MED29: variants seen among roughly 807,000 people sequenced by gnomAD.
MED29 encodes the protein mediator complex subunit 29.
MED29 carries 14 observed loss-of-function variants against 22.0 expected under a neutral mutation model. The ratio of observed to expected loss-of-function variants is 0.64; its 90% CI spans 0.42 to 0.99. The LOEUF is 0.99. Ranked by LOEUF, MED29 falls within the 50% of genes least tolerant of loss-of-function variation. MED29 has a pLI of 0.00. For synonymous variants in MED29, 123 were observed against 107.8 expected (o/e 1.14, Z -0.87); for missense variants, 241 against 253.7 (o/e 0.95, Z 0.34).
Position 39,393,068 on chromosome 19 carries a change from CTTTCTTTCTTTTCTTT to C in MED29, c.276-481_276-466del, listed in dbSNP as rs1417333167. Among the ~76,000 whole-genome samples, 196 of 87,508 alleles carry C rather than the reference CTTTCTTTCTTTTCTTT, an allele frequency of 2.2e-3. 2 individuals carry two copies. The Middle Eastern group carries it at 0.023, about 10-fold the overall frequency. 57.4% of individuals were successfully genotyped at this position (87,508 alleles called of 152,430 possible). On this transcript the variant is annotated intron_variant, in intron 2 of 3. Transcript: ENST00000315588. ...CCCAGCCTTTTCCTTTTCTTTCTTTCTTTCTTTCTTTTCTTTTTTTTTTTTTTTTTTTTTTTTTTTT... is the reference window on the plus strand; with the variant it reads ...CCCAGCCTTTTCCTTTTCTTTCTTTCTTTTTTTTTTTTTTTTTTTTTTTTT...
rs1027353051 is a variant in MED29, at chr19:39,396,070, AG to A, written c.361-1386del. The stretch of plus-strand genomic sequence containing the variant: ...ACTGAGTGGTGTGCGTGGGTGTGAC[AG>A]CCCTGGGAGGGCTTGAACAGTGAGA... On this transcript the variant is annotated intron_variant, in intron 3 of 3. Coordinates refer to ENST00000315588, the MANE Select transcript of MED29 (RefSeq NM_017592.4). Among the ~76,000 whole-genome samples the A allele has an allele frequency of 5.3e-4, 80 of 152,338 alleles. 1 individual carries two copies. The highest frequency in any genetic ancestry group is 1.9e-3 in the African/African-American group (78 of 41,582).
intron 2 of MED29, 148 bp from the exon 3 acceptor site, chr19:39,393,403 CTT>C: frequency 4.2e-6 from 3 of 720,436 alleles, no homozygotes; most frequent in East Asian, 2.7e-5. Flanking sequence ...GCCTCCTTTT[CTT>C]TTTTTTTGAA....
At chr19:39,392,804 T>A (rs1327041437) in intron 2 of MED29, 1 of 379,974 alleles carries the variant, frequency 2.6e-6, no homozygotes, top group African/African-American at 2.1e-5. Context: ...GGCTAATTTG[T>A]AAGATTTTTT....
Position 39,397,787 on chromosome 19 carries a change from T to G in MED29, c.*88T>G. 1 of 1,511,266 alleles carries G rather than the reference T, an allele frequency of 6.6e-7. No individual in the cohort carries two copies. The highest frequency in any genetic ancestry group is 8.9e-7 in the Non-Finnish European group (1 of 1,129,182). The allele number at this position is 1,511,266 out of a possible 1,614,324, so 93.6% of individuals were successfully genotyped here. A position where few individuals can be genotyped will look rare whatever the true frequency, so the allele number is the denominator to read the frequency against. The stretch of plus-strand genomic sequence containing the variant: ...CGTCCTGGGCCTAAACACAGCAGCC[T>G]CCTCTCTTCCTGCCTGAGCACCGCA... On this transcript the variant is annotated 3_prime_UTR_variant, in exon 4 of 4. Transcript: ENST00000315588.
intron 2 of MED29, 41 bp downstream of exon 2, chr19:39,392,563 C>T: frequency 6.4e-7 from 1 of 1,563,692 alleles, no homozygotes; most frequent in African/African-American, 1.4e-5. Context: ...TATTGCCTTC[C>T]CAGTCTTTGA....
intron 3 of MED29, among the ~76,000 whole-genome samples, chr19:39,396,502 T>A (rs1333894170): frequency 7.1e-6 from 1 of 140,552 alleles, no homozygotes; most frequent in Non-Finnish European, 1.5e-5. Flanking sequence ...CCAAGGCGGG[T>A]AGATCACGAG....
In MED29 at chr19:39,397,897, CT is replaced by C; in HGVS notation, c.*199del. 1 of 842,200 alleles carries C rather than the reference CT, an allele frequency of 1.2e-6. No individual in the cohort carries two copies. Among genetic ancestry groups the C allele is most frequent in the Non-Finnish European group, 1.8e-6 (1 of 556,446 alleles). The allele number at this position is 842,200 out of a possible 1,614,324, so 52.2% of individuals were successfully genotyped here. ...TCCCTGCCCCTTCTTCCTGCTCCCC[CT>C]CCTAGCCTAGGGTAGACTTTGAACT... On this transcript the variant is annotated 3_prime_UTR_variant, in exon 4 of 4. Transcript: ENST00000315588.
intron 2 of MED29, among the ~76,000 whole-genome samples, chr19:39,393,316 G>A (rs940562067): frequency 6.6e-6 from 1 of 151,498 alleles, no homozygotes; most frequent in Non-Finnish European, 1.5e-5. Context: ...GGCTGGTCTT[G>A]AACTCCTGAC....
chr19:39,399,175 T>C lies in MED29; in HGVS notation c.*1476T>C, dbSNP rs981862207. On this transcript the variant is annotated 3_prime_UTR_variant, in exon 4 of 4. Coordinates refer to ENST00000315588, the MANE Select transcript of MED29 (RefSeq NM_017592.4). ...ACTTTAATCACATCTACAAAACACT[T>C]CCATGGCGACAGCTAGATGAGTGTT... is the stretch of plus-strand genomic sequence containing the variant. 6.6e-6 allele frequency: 1 copy of C among 152,226 alleles called. No individual in the cohort carries two copies. Among genetic ancestry groups the C allele is most frequent in the Non-Finnish European group, 1.5e-5 (1 of 68,048 alleles). 9.4% of individuals were successfully genotyped at this position (152,226 alleles called of 1,614,324 possible).
chr19:39,394,049 A>G (rs1415421681), intron 3 of MED29, among the ~76,000 whole-genome samples: 2 of 152,172 alleles, frequency 1.3e-5, no homozygotes, highest in African/African-American at 4.8e-5. Flanking sequence ...AACAAAGAAG[A>G]GAAGAGGGGC....
chr19:39,397,623 C>T lies in MED29; in HGVS notation c.527C>T (p.Thr176Ile). The change falls in exon 4 of 4, where the codon ACC becomes ATC. Residue 176 changes from threonine (T) to isoleucine (I), a missense_variant. Transcript: ENST00000315588. ...AQISCAKDIH[T>I]ALLDCANKVT... is the part of the protein sequence containing the mutation. ...ATTTCCTGTGCCAAGGACATTCACA[C>T]CGCCCTGCTGGACTGTGCCAACAAG... 1 of 1,613,654 alleles carries T rather than the reference C, an allele frequency of 6.2e-7. No individual in the cohort carries two copies. Among genetic ancestry groups the T allele is most frequent in the African/African-American group, 1.3e-5 (1 of 75,070 alleles).
chr19:39,394,860 CT>C (rs879383765), intron 3 of MED29, among the ~76,000 whole-genome samples: 294 of 141,908 alleles, frequency 2.1e-3, no homozygotes, highest in East Asian at 2.2e-3. Context: ...CCACACCCGG[CT>C]TTTTTTTTTT....
intron 2 of MED29, 144 bp from the exon 3 acceptor site, chr19:39,393,409 T>G (rs942168927): frequency 1.3e-6 from 1 of 759,768 alleles, no homozygotes; most frequent in African/African-American, 1.7e-5. Context: ...TTTTCTTTTT[T>G]TTTGAACCCC....
chr19:39,393,331 G>C (rs1434641828), intron 2 of MED29, among the ~76,000 whole-genome samples: 1 of 151,458 alleles, frequency 6.6e-6, no homozygotes, highest in Non-Finnish European at 1.5e-5. Context: ...CCTGACCTCA[G>C]GTGATCTGCT....
At chr19:39,395,596 T>G (rs1346420379) in intron 3 of MED29, among the ~76,000 whole-genome samples, 1 of 152,080 alleles carries the variant, frequency 6.6e-6, no homozygotes, top group Non-Finnish European at 1.5e-5. Flanking sequence ...ATAAAGTTTC[T>G]AGGATGAGGC....
intron 2 of MED29, 102 bp from the exon 3 acceptor site, chr19:39,393,451 G>A: frequency 1.9e-6 from 2 of 1,077,100 alleles, no homozygotes; most frequent in South Asian, 1.3e-5. Flanking sequence ...CAGATCTCCT[G>A]GACCTGTACC....
chr19:39,396,189 C>T (rs1381971127), intron 3 of MED29, among the ~76,000 whole-genome samples: 1 of 152,298 alleles, frequency 6.6e-6, no homozygotes, highest in East Asian at 1.9e-4. Context: ...GCCTGTAACT[C>T]CAGCATTTTG....
At chr19:39,392,778 C>T (rs1487350328) in intron 2 of MED29, 4 of 457,622 alleles carry the variant, frequency 8.7e-6, no homozygotes, top group East Asian at 3.5e-5. Context: ...GACATGGCTA[C>T]AGACTACAGA....
At chr19:39,391,769 C>T (rs1472015592) in intron 1 of MED29, 131 bp downstream of exon 1, 15 of 1,130,076 alleles carry the variant, frequency 1.3e-5, no homozygotes, top group Non-Finnish European at 1.6e-5. Context: ...CTGGCTGGTG[C>T]ACGCCTGTGT....
Sources: gnomAD v4.1 joint callset for allele counts (sites outside exome capture counted in the v4.1 genomes callset) on GRCh38, gnomAD v4.1.1 for gene constraint, MANE v1.5 for transcripts, NCBI Gene and HGNC (gene_info 2026-07-23, HGNC 2026-07-21) for gene names.